Variants in CDH8 observed in about 807,000 individuals in gnomAD.
The protein encoded by CDH8 is cadherin 8.
A neutral mutation model predicts 68.1 loss-of-function variants in CDH8; 17 were observed. That is an observed-to-expected ratio of 0.25 (90% CI 0.17 to 0.37). The LOEUF is 0.37. Among genes scored for constraint, CDH8 ranks in the 10% least tolerant of loss-of-function variants. CDH8 has a pLI of 1.00. For missense variants in CDH8, 763 were observed against 999.3 expected, an observed-to-expected ratio of 0.76 and a Z score of 3.19; for synonymous variants, 372 against 365.1, an observed-to-expected ratio of 1.02 and a Z score of -0.21.
chr16:61,822,713 T>C (rs1962244122), intron 5 of CDH8, among the ~76,000 whole-genome samples: 1 of 151,880 alleles, frequency 6.6e-6, no homozygotes, highest in Non-Finnish European at 1.5e-5. Context: ...TTCTCATAAT[T>C]GGTGTAATGA....
At chr16:61,905,850 G>A (rs966268393) in intron 2 of CDH8, among the ~76,000 whole-genome samples, 3 of 151,588 alleles carry the variant, frequency 2.0e-5, no homozygotes, top group East Asian at 1.9e-4. Flanking sequence ...AGCCAAGATC[G>A]TACCATTCCA....
At chr16:61,970,918 T>C (rs1324338384) in intron 2 of CDH8, among the ~76,000 whole-genome samples, 22 of 152,220 alleles carry the variant, frequency 1.4e-4, no homozygotes, top group Non-Finnish European at 3.2e-4. Flanking sequence ...TCCACCATTG[T>C]GATTTGTTCC....
At chr16:61,694,552 G>C (rs543672692) in intron 10 of CDH8, among the ~76,000 whole-genome samples, 31 of 152,088 alleles carry the variant, frequency 2.0e-4, no homozygotes, top group African/African-American at 7.2e-4. Context: ...ATGGGCTTCG[G>C]TCATATTGGG....
intron 8 of CDH8, among the ~76,000 whole-genome samples, chr16:61,755,055 T>C (rs1219458138): frequency 1.3e-5 from 2 of 152,170 alleles, no homozygotes; most frequent in Non-Finnish European, 2.9e-5. Flanking sequence ...TTTTGCTTAA[T>C]GTAAAATATA....
Position 61,758,818 on chromosome 16 carries a change from G to A in CDH8, c.1414+30528C>T, listed in dbSNP as rs191998225. 2.6e-5 allele frequency among the ~76,000 whole-genome samples: 4 copies of A among 152,208 alleles called. No homozygotes were observed. The East Asian group carries it at 5.8e-4, about 22-fold the overall frequency. ...TAATGGGGCTATATGATCTTTTGTT[G>A]TTAATATCTCAGAAAGATCTGAGGT... On this transcript the variant is annotated intron_variant, in intron 8 of 11. Coordinates refer to ENST00000577390, the MANE Select transcript of CDH8 (RefSeq NM_001796.5).
chr16:61,820,353 T>A (rs1469856048), intron 6 of CDH8, among the ~76,000 whole-genome samples: 2 of 139,098 alleles, frequency 1.4e-5, no homozygotes, highest in Non-Finnish European at 3.0e-5. Context: ...TTTCCATGAA[T>A]GTACAGCCTT....
At chr16:61,682,697 G>A (rs74023213) in intron 10 of CDH8, among the ~76,000 whole-genome samples, 3,562 of 151,664 alleles carry the variant, frequency 0.023, 142 homozygotes, top group African/African-American at 0.08. Flanking sequence ...TGGCTTACAA[G>A]TGTTTTGTTG....
At chr16:61,676,145 C>CA (rs60364173) in intron 10 of CDH8, among the ~76,000 whole-genome samples, 32,659 of 130,946 alleles carry the variant, frequency 0.25, 4,890 homozygotes, top group African/African-American at 0.44. Context: ...CACACACACT[C>CA]AAAAAAAAAA....
intron 8 of CDH8, among the ~76,000 whole-genome samples, chr16:61,746,439 T>C (rs1370981094): frequency 6.6e-6 from 1 of 151,942 alleles, no homozygotes; most frequent in Non-Finnish European, 1.5e-5. Flanking sequence ...AGTTCCTTAG[T>C]TGCTGGCTGC....
intron 3 of CDH8, among the ~76,000 whole-genome samples, chr16:61,865,736 T>C (rs1045944044): frequency 6.6e-6 from 1 of 152,214 alleles, no homozygotes; most frequent in African/African-American, 2.4e-5. Flanking sequence ...TATTTTCTTT[T>C]CATGGGCTGC....
At chr16:61,781,560 T>A (rs1308734821) in intron 8 of CDH8, among the ~76,000 whole-genome samples, 1 of 152,154 alleles carries the variant, frequency 6.6e-6, no homozygotes, top group East Asian at 1.9e-4. Flanking sequence ...TGGAGTGAGC[T>A]ATGATATAGT....
intron 10 of CDH8, among the ~76,000 whole-genome samples, chr16:61,705,877 C>T (rs1255010495): frequency 6.6e-6 from 1 of 152,156 alleles, no homozygotes; most frequent in Non-Finnish European, 1.5e-5. Context: ...AGTTTCCTCT[C>T]TAAGATTTCA....
At chr16:61,747,055 C>A (rs1319862484) in intron 8 of CDH8, among the ~76,000 whole-genome samples, 1 of 152,050 alleles carries the variant, frequency 6.6e-6, no homozygotes, top group Non-Finnish European at 1.5e-5. Flanking sequence ...CAGATGTTAA[C>A]ATTAAATGCC....
chr16:61,706,857 A>G (rs8047976), intron 10 of CDH8, among the ~76,000 whole-genome samples: 53,989 of 151,976 alleles, frequency 0.36, 9,994 homozygotes, highest in Middle Eastern at 0.39. Flanking sequence ...AAATTGGGTC[A>G]TTCTGTCACT....
chr16:61,733,611 C>T (rs1959597574), intron 8 of CDH8, among the ~76,000 whole-genome samples: 1 of 151,788 alleles, frequency 6.6e-6, no homozygotes. Context: ...ATCATAAAAT[C>T]GTTCCTTGAT....
At chr16:61,758,511 C>A (rs1238940068) in intron 8 of CDH8, among the ~76,000 whole-genome samples, 1 of 152,128 alleles carries the variant, frequency 6.6e-6, no homozygotes, top group Non-Finnish European at 1.5e-5. Flanking sequence ...TGGCTCACTG[C>A]AACTTCTGCC....
chr16:61,744,070 T>TG (rs1161087563), intron 8 of CDH8, among the ~76,000 whole-genome samples: 1 of 152,182 alleles, frequency 6.6e-6, no homozygotes, highest in Non-Finnish European at 1.5e-5. Flanking sequence ...TTTGGCCATT[T>TG]GGGGTCAATA....
chr16:61,810,112 T>C (rs1231331935), intron 7 of CDH8, among the ~76,000 whole-genome samples: 4 of 152,218 alleles, frequency 2.6e-5, no homozygotes, highest in Admixed American at 2.0e-4. Context: ...CAAGTGAAGA[T>C]GCTATTTAGA....
chr16:61,885,511 C>T (rs1597041736), intron 3 of CDH8, among the ~76,000 whole-genome samples: 1 of 152,254 alleles, frequency 6.6e-6, no homozygotes, highest in Non-Finnish European at 1.5e-5. Flanking sequence ...AAGGCTTTCA[C>T]AAGGCACTTA....
Sources: allele counts gnomAD v4.1 joint callset (sites outside exome capture counted in the v4.1 genomes callset), GRCh38; gene constraint gnomAD v4.1.1; transcripts MANE v1.5; gene names NCBI Gene and HGNC (gene_info 2026-07-23, HGNC 2026-07-21).